SCRG1: variants seen among roughly 807,000 people sequenced by gnomAD.
SCRG1 encodes the protein scrapie-responsive protein 1.
In SCRG1, 3 loss-of-function variants were observed where a neutral mutation model predicts 7.7. The observed-to-expected ratio is 0.39, with a 90% CI of 0.18 to 1.01. SCRG1 has a LOEUF of 1.01. Among genes scored for constraint, SCRG1 ranks in the 50% least tolerant of loss-of-function variants. SCRG1 has a pLI of 0.36. For missense variants in SCRG1, 110 were observed against 117.2 expected, an observed-to-expected ratio of 0.94 and a Z score of 0.28; for synonymous variants, 46 against 41.2, an observed-to-expected ratio of 1.12 and a Z score of -0.44.
At chr4:173,464,914 T>C in the SCRG1 span, among the ~76,000 whole-genome samples, 2 of 152,152 alleles carry the variant, frequency 1.3e-5, no homozygotes, top group African/African-American at 4.8e-5. Context: ...TAGCCTTACA[T>C]AGGAAGGAAA....
chr4:173,450,234 G>A, the SCRG1 span, among the ~76,000 whole-genome samples: 1 of 152,132 alleles, frequency 6.6e-6, no homozygotes, highest in African/African-American at 2.4e-5. Context: ...TCACTATCAT[G>A]AGTAAACCAT....
upstream of SCRG1, among the ~76,000 whole-genome samples, chr4:173,402,117 G>T (rs531626015): frequency 1.3e-5 from 2 of 152,248 alleles, no homozygotes; most frequent in Non-Finnish European, 2.9e-5. Context: ...TCTTTGAGAC[G>T]GCCTCAGGAG....
At chr4:173,464,104 T>C in the SCRG1 span, among the ~76,000 whole-genome samples, 2 of 142,946 alleles carry the variant, frequency 1.4e-5, no homozygotes, top group Non-Finnish European at 3.1e-5. Flanking sequence ...ATGGGGCTTC[T>C]AAAAGATATT....
the SCRG1 span, among the ~76,000 whole-genome samples, chr4:173,484,851 AAT>A: frequency 1.2e-5 from 1 of 81,960 alleles, no homozygotes; most frequent in Non-Finnish European, 2.1e-5. Context: ...TATTATATAT[AAT>A]ATATATTATG....
chr4:173,419,974 G>T, the SCRG1 span: 1 of 708,836 alleles, frequency 1.4e-6, no homozygotes, highest in Non-Finnish European at 2.6e-6. Context: ...CCTGACAAAT[G>T]ATATCTCTAT....
chr4:173,463,139 C>T, the SCRG1 span, among the ~76,000 whole-genome samples: 1 of 152,254 alleles, frequency 6.6e-6, no homozygotes, highest in East Asian at 1.9e-4. Flanking sequence ...CTAATTTGCC[C>T]TTTGCCTTGA....
the SCRG1 span, among the ~76,000 whole-genome samples, chr4:173,443,571 G>A: frequency 2.0e-5 from 3 of 152,090 alleles, no homozygotes; most frequent in African/African-American, 2.4e-5. Flanking sequence ...AAATATTATC[G>A]CTTTGCCTTT....
At chr4:173,406,992 G>A (rs1286676091), upstream of SCRG1, among the ~76,000 whole-genome samples, 1 of 152,108 alleles carries the variant, frequency 6.6e-6, no homozygotes, top group Non-Finnish European at 1.5e-5. Flanking sequence ...TGGATCATCT[G>A]AGGTCAGGAG....
Position 173,391,155 on chromosome 4 carries a change from G to A in SCRG1, c.242+18C>T, listed in dbSNP as rs1425778699. On this transcript the variant is annotated intron_variant, in intron 2 of 2. Coordinates refer to ENST00000296506, the MANE Select transcript of SCRG1 (RefSeq NM_007281.4). ...CATACATTTCCAGGCAATACACTTTGTGATACCATTTCCTTACTTTGGGCA... is the reference window on the plus strand; with the variant it reads ...CATACATTTCCAGGCAATACACTTTATGATACCATTTCCTTACTTTGGGCA... The A allele has an allele frequency of 1.2e-6, 2 of 1,612,970 alleles. No individual in the cohort carries two copies. Among genetic ancestry groups the A allele is most frequent in the East Asian group, 2.2e-5 (1 of 44,852 alleles).
upstream of SCRG1, among the ~76,000 whole-genome samples, chr4:173,409,588 CTTT>C (rs372218375): frequency 7.5e-6 from 1 of 133,330 alleles, no homozygotes. Context: ...TCCCTGCATA[CTTT>C]TTTTTTTTTT....
At chr4:173,450,873 G>A in the SCRG1 span, among the ~76,000 whole-genome samples, 1 of 152,094 alleles carries the variant, frequency 6.6e-6, no homozygotes, top group African/African-American at 2.4e-5. Context: ...TCCCCAGAGG[G>A]GAAAGGCCTG....
chr4:173,437,822 A>T, the SCRG1 span, among the ~76,000 whole-genome samples: 1 of 152,218 alleles, frequency 6.6e-6, no homozygotes, highest in Non-Finnish European at 1.5e-5. Context: ...CAGTATAGAA[A>T]CACGGATTTA....
At chr4:173,435,817 C>G in the SCRG1 span, among the ~76,000 whole-genome samples, 1 of 152,114 alleles carries the variant, frequency 6.6e-6, no homozygotes, top group African/African-American at 2.4e-5. Flanking sequence ...GTCGCCATGC[C>G]TCTCAAAATT....
chr4:173,442,882 T>C, the SCRG1 span, among the ~76,000 whole-genome samples: 1 of 152,106 alleles, frequency 6.6e-6, no homozygotes, highest in Non-Finnish European at 1.5e-5. Flanking sequence ...CCTAATCACC[T>C]CTTAAGGGCC....
the SCRG1 span, among the ~76,000 whole-genome samples, chr4:173,430,322 C>T: frequency 2.0e-5 from 3 of 152,114 alleles, no homozygotes; most frequent in Admixed American, 1.3e-4. Flanking sequence ...TGGATGACAC[C>T]TAGGTTCTCC....
chr4:173,412,217 C>T, the SCRG1 span, among the ~76,000 whole-genome samples: 3 of 152,148 alleles, frequency 2.0e-5, no homozygotes, highest in Non-Finnish European at 4.4e-5. Flanking sequence ...AGCTACTTAC[C>T]AACCATCAGG....
At chr4:173,448,171 A>C in the SCRG1 span, among the ~76,000 whole-genome samples, 1 of 152,138 alleles carries the variant, frequency 6.6e-6, no homozygotes, top group Non-Finnish European at 1.5e-5. Flanking sequence ...TCCTACAGTG[A>C]CCCAACTTAT....
chr4:173,441,128 A>G, the SCRG1 span, among the ~76,000 whole-genome samples: 2 of 152,176 alleles, frequency 1.3e-5, no homozygotes, highest in African/African-American at 4.8e-5. Context: ...TGATCAAAGG[A>G]TGTTTCCTAG....
At chr4:173,510,311 T>TTGTTC in the SCRG1 span, among the ~76,000 whole-genome samples, 1 of 152,058 alleles carries the variant, frequency 6.6e-6, no homozygotes, top group Non-Finnish European at 1.5e-5. The surrounding 1 kb of genome is among the most constrained non-coding windows in gnomAD (Gnocchi z 5.7). Flanking sequence ...ATTTTAACTT[T>TTGTTC]TGTTCTGTTC....
Sources: gnomAD v4.1 joint callset for allele counts (sites outside exome capture counted in the v4.1 genomes callset) on GRCh38, gnomAD v4.1.1 for gene constraint, Gnocchi (gnomAD v3.1) non-coding constraint, MANE v1.5 for transcripts, NCBI Gene and HGNC (gene_info 2026-07-23, HGNC 2026-07-21) for gene names.